TRAPPC2: variants seen among roughly 807,000 people sequenced by gnomAD.
TRAPPC2 encodes the protein sedlin.
Under a neutral mutation model 10.0 loss-of-function variants are expected in TRAPPC2, and 4 were observed. The ratio of observed to expected loss-of-function variants is 0.40; its 90% CI spans 0.20 to 0.92. The LOEUF (loss-of-function observed/expected upper bound fraction) is 0.92. Among genes scored for constraint, TRAPPC2 ranks in the 40% least tolerant of loss-of-function variants. The probability of loss-of-function intolerance (pLI) is 0.35; values close to 1 mark genes in which losing one functional copy is unlikely to be tolerated. For missense variants in TRAPPC2, 52 were observed against 108.7 expected, an observed-to-expected ratio of 0.48 and a Z score of 2.32; for synonymous variants, 36 against 37.3, an observed-to-expected ratio of 0.97 and a Z score of 0.12.
intron 2 of TRAPPC2, among the ~76,000 whole-genome samples, chrX:13,727,862 TAAAG>T (rs1211637861): frequency 9.0e-6 from 1 of 110,777 alleles, no homozygotes; most frequent in Non-Finnish European, 1.9e-5. Flanking sequence ...GCAAGACTAA[TAAAG>T]AAGAAAACAG....
At position 13,734,101 on chromosome X, in the gene TRAPPC2, A is replaced by T. The variant is rs1253837176; in HGVS notation, c.-77T>A. ...TAAAACGTTTAGCTCTGTGGATCTCAACCCGGAGCGATCTTGCTTCCAAGA... is the reference window on the plus strand; with the variant it reads ...TAAAACGTTTAGCTCTGTGGATCTCTACCCGGAGCGATCTTGCTTCCAAGA... On this transcript the variant is annotated 5_prime_UTR_variant, in exon 2 of 6. The change abolishes the stop of an existing upstream ORF in the 5' untranslated region. Transcript: ENST00000380579. 2 of 513,733 alleles carry T rather than the reference A, an allele frequency of 3.9e-6. No individual in the cohort carries two copies. Among genetic ancestry groups the T allele is most frequent in the South Asian group, 5.0e-5 (2 of 40,383 alleles). 42.3% of individuals were successfully genotyped at this position (513,733 alleles called of 1,213,427 possible). A position where few individuals can be genotyped will look rare whatever the true frequency, so the allele number is the denominator to read the frequency against.
chrX:13,734,378 A>C, intron 1 of TRAPPC2, 147 bp downstream of exon 1: 1 of 295,734 alleles, frequency 3.4e-6, no homozygotes, highest in Non-Finnish European at 6.0e-6. Context: ...GGCTGCGCGG[A>C]TGAGCCAGCG....
At chrX:13,716,396 T>C in intron 4 of TRAPPC2, 138 bp downstream of exon 4, 1 of 782,793 alleles carries the variant, frequency 1.3e-6, no homozygotes, top group South Asian at 2.5e-5. Context: ...AAAAGAAAAG[T>C]AGCCCCATAA....
intron 2 of TRAPPC2, chrX:13,722,212 A>G (rs1209714214): frequency 2.0e-5 from 1 of 49,236 alleles, no homozygotes. Flanking sequence ...CAGCAGCAAA[A>G]AAAAAAAAAA....
At chrX:13,725,949 C>T (rs781574077) in intron 2 of TRAPPC2, among the ~76,000 whole-genome samples, 14 of 111,882 alleles carry the variant, frequency 1.3e-4, no homozygotes, top group African/African-American at 4.2e-4. Flanking sequence ...GGCACAAGAA[C>T]TTCATGATGC....
chrX:13,727,269 A>C (rs1468835162), intron 2 of TRAPPC2, among the ~76,000 whole-genome samples: 2 of 111,748 alleles, frequency 1.8e-5, no homozygotes, highest in Non-Finnish European at 3.8e-5. Flanking sequence ...CATCTACAGA[A>C]CTCTCCACCC....
At chrX:13,718,818 A>G (rs1451718249) in intron 3 of TRAPPC2, among the ~76,000 whole-genome samples, 1 of 111,915 alleles carries the variant, frequency 8.9e-6, no homozygotes, top group Non-Finnish European at 1.9e-5. Context: ...GCAATTTATT[A>G]GAAACAGAAA....
At chrX:13,733,855 C>A (rs2046740189) in intron 2 of TRAPPC2, among the ~76,000 whole-genome samples, 189 bp downstream of exon 2, 1 of 111,198 alleles carries the variant, frequency 9.0e-6, no homozygotes, top group Non-Finnish European at 1.9e-5. Flanking sequence ...GATAAAGACA[C>A]ACTTTTTCCA....
intron 3 of TRAPPC2, among the ~76,000 whole-genome samples, chrX:13,717,053 A>C (rs1325775863): frequency 1.9e-5 from 2 of 105,549 alleles, no homozygotes; most frequent in Non-Finnish European, 3.9e-5. Flanking sequence ...AAAAAAAAAA[A>C]AAAAAAAAAA....
chrX:13,734,195 T>C lies in TRAPPC2; in HGVS notation c.-161-10A>G, dbSNP rs1436472866. Reference sequence around the variant, plus strand: ...GGGGGAGAAGGTGATACTGACAAAATAGAGAGCAAGGATACAGCTAAACCT... The same window carrying C: ...GGGGGAGAAGGTGATACTGACAAAACAGAGAGCAAGGATACAGCTAAACCT... On this transcript the variant is annotated splice_polypyrimidine_tract_variant and intron_variant, in intron 1 of 5. Transcript: ENST00000380579. 1 of 479,523 alleles carries C rather than the reference T, an allele frequency of 2.1e-6. No homozygotes were observed. 39.5% of individuals were successfully genotyped at this position (479,523 alleles called of 1,213,427 possible).
At position 13,716,050 on chromosome X, in the gene TRAPPC2, T is replaced by C. The variant is rs911405407; in HGVS notation, c.278A>G (p.Asp93Gly). 4.2e-6 allele frequency: 5 copies of C among 1,192,395 alleles called. No individual in the cohort carries two copies. Among genetic ancestry groups the C allele is most frequent in the Non-Finnish European group, 5.7e-6 (5 of 881,668 alleles). Reference protein sequence around the residue: ...FIMLHDIRQEDGIKNFFTDVY... With the variant: ...FIMLHDIRQEGGIKNFFTDVY... The stretch of plus-strand genomic sequence containing the variant: ...ATCAGTAAAGAAGTTCTTTATTCCA[T>C]CTTCTTGTCTTATGTCATGAAGCAT... Residue 93 changes from aspartate to glycine, a missense_variant, in exon 5 of 6, where the codon GAT becomes GGT. By Grantham distance (94) the Asp-to-Gly change is moderately conservative (BLOSUM62 -1). Transcript: ENST00000380579.
At chrX:13,719,783 G>C (rs1222564741) in intron 3 of TRAPPC2, 88 bp downstream of exon 3, 64 of 702,148 alleles carry the variant, frequency 9.1e-5, no homozygotes, top group Middle Eastern at 9.9e-4. Flanking sequence ...AATTGTGGTG[G>C]ATTTCAGTTA....
At chrX:13,717,038 A>T (rs1183830757) in intron 3 of TRAPPC2, among the ~76,000 whole-genome samples, 8 of 23,414 alleles carry the variant, frequency 3.4e-4, no homozygotes, top group Admixed American at 1.2e-3. Context: ...CTATGTTAAA[A>T]AAAAAAAAAA....
intron 2 of TRAPPC2, among the ~76,000 whole-genome samples, chrX:13,722,801 C>T (rs767048090): frequency 5.9e-4 from 66 of 111,574 alleles, no homozygotes; most frequent in African/African-American, 2.1e-3. Context: ...CGGTGGCTCA[C>T]GCCTGTAATC....
Position 13,720,134 on chromosome X carries a change from G to A in TRAPPC2, c.-19-152C>T, listed in dbSNP as rs367743332. 1.8e-4 allele frequency: 61 copies of A among 335,521 alleles called. 1 individual carries two copies. The Middle Eastern group carries it at 2.0e-3, about 11-fold the overall frequency. The allele number at this position is 335,521 out of a possible 1,213,427, so 27.7% of individuals were successfully genotyped here. ...TGGCAGTTTCCAGTATACTAGCGAA[G>A]ATACGTAGCTTCTGGAATAAACAAA... On this transcript the variant is annotated intron_variant, in intron 2 of 5. Coordinates refer to ENST00000380579, the MANE Select transcript of TRAPPC2 (RefSeq NM_001011658.4).
At chrX:13,714,987 C>T (rs969271912) in intron 5 of TRAPPC2, among the ~76,000 whole-genome samples, 2 of 112,190 alleles carry the variant, frequency 1.8e-5, no homozygotes, top group Admixed American at 1.9e-4. Context: ...TAACGCATGA[C>T]AGAAAATCAT....
Position 13,734,559 on chromosome X carries a change from C to G in TRAPPC2, c.-196G>C. ...GAGGCCGACAACGGAAACGCAATGT[C>G]AGTTTCCGCGGAAGAGACCCGCGCC... On this transcript the variant is annotated 5_prime_UTR_variant, in exon 1 of 6. Coordinates refer to ENST00000380579, the MANE Select transcript of TRAPPC2 (RefSeq NM_001011658.4). 2.3e-6 allele frequency: 1 copy of G among 429,491 alleles called. No homozygotes were observed. Among genetic ancestry groups the G allele is most frequent in the East Asian group, 8.8e-5 (1 of 11,368 alleles). 35.4% of individuals were successfully genotyped at this position (429,491 alleles called of 1,213,427 possible). A position where few individuals can be genotyped will look rare whatever the true frequency, so the allele number is the denominator to read the frequency against.
rs200628644 is a variant in TRAPPC2 at position 13,716,598 on chromosome X, G to A, written c.174C>T (p.Asn58=). ...LVDENMWLSN[N]MYLKTVDKFN... ...ACTTGTCCACAGTTTTCAAGTACATGTTGTTCGATAGCCACATGTTCTCAT... is the reference window on the plus strand; with the variant it reads ...ACTTGTCCACAGTTTTCAAGTACATATTGTTCGATAGCCACATGTTCTCAT... Residue 58 remains asparagine, a synonymous_variant, in exon 4 of 6, where the codon AAC becomes AAT. Coordinates refer to ENST00000380579, the MANE Select transcript of TRAPPC2 (RefSeq NM_001011658.4). The A allele has an allele frequency of 1.3e-5, 16 of 1,210,198 alleles. No individual in the cohort carries two copies. In the East Asian group the frequency reaches 4.7e-4, roughly 36 times the overall value.
At chrX:13,725,672 A>G (rs1046205940) in intron 2 of TRAPPC2, among the ~76,000 whole-genome samples, 1 of 112,661 alleles carries the variant, frequency 8.9e-6, no homozygotes, top group African/African-American at 3.2e-5. Flanking sequence ...GAAAAGCTGA[A>G]AATTCTAAAA....
Sources: allele counts gnomAD v4.1 joint callset (sites outside exome capture counted in the v4.1 genomes callset), GRCh38; gene constraint gnomAD v4.1.1; transcripts MANE v1.5; gene names NCBI Gene and HGNC (gene_info 2026-07-23, HGNC 2026-07-21).